Variants in TMX4 observed in about 807,000 individuals in gnomAD.
The protein encoded by TMX4 is thioredoxin-related transmembrane protein 4.
Under a neutral mutation model 33.3 loss-of-function variants are expected in TMX4, and 23 were observed. The observed-to-expected ratio is 0.69, with a 90% CI of 0.50 to 0.98. TMX4 has a LOEUF of 0.98. Ranked by LOEUF, TMX4 falls within the 50% of genes least tolerant of loss-of-function variation. TMX4 has a pLI of 0.00. For synonymous variants in TMX4, 164 were observed against 161.5 expected, an observed-to-expected ratio of 1.02 and a Z score of -0.12; for missense variants, 399 against 448.9, an observed-to-expected ratio of 0.89 and a Z score of 1.01.
rs531493904 is a variant in TMX4, at chr20:7,984,650, CAG to C, written c.616-795_616-794del. 4.2e-4 allele frequency among the ~76,000 whole-genome samples: 64 copies of C among 152,254 alleles called. No individual in the cohort carries two copies. In the South Asian group the frequency reaches 0.013, roughly 31 times the overall value. ...TTCTTTTTTATTTATAATTGACACA[CAG>C]TAACTATATATACTGATGGGGTACA... On this transcript the variant is annotated intron_variant, in intron 6 of 7. Coordinates refer to ENST00000246024, the MANE Select transcript of TMX4 (RefSeq NM_021156.4).
In TMX4 at chr20:7,982,369, TC is replaced by T. The variant is rs1361113142; in HGVS notation, c.931del (p.Glu311LysfsTer2). 1 of 1,613,874 alleles carries T rather than the reference TC, an allele frequency of 6.2e-7. No individual in the cohort carries two copies. Among genetic ancestry groups the T allele is most frequent in the African/African-American group, 1.3e-5 (1 of 74,866 alleles). On this transcript the variant is annotated frameshift_variant, in exon 8 of 8. Transcript: ENST00000246024. LOFTEE classifies it low-confidence loss of function (END_TRUNC). Reference protein sequence around the residue: ...PPGEDGVTREEVEPEEAEEGI... With the variant: ...PPGEDGVTREXVEPEEAEEGI... ...TTCTTCAGCCTCCTCAGGCTCTACT[TC>T]CTCCCGGGTCACACCGTCCTCTCCT...
chr20:8,013,107 G>A (rs557235749), intron 1 of TMX4, among the ~76,000 whole-genome samples: 12 of 152,156 alleles, frequency 7.9e-5, no homozygotes, highest in Non-Finnish European at 1.6e-4. Context: ...GATCAGTCAT[G>A]TGACCTTCAT....
At position 8,019,722 on chromosome 20, in the gene TMX4, C is replaced by A; in HGVS notation, c.-109G>T. On this transcript the variant is annotated 5_prime_UTR_variant, in exon 1 of 8. Coordinates refer to ENST00000246024, the MANE Select transcript of TMX4 (RefSeq NM_021156.4). ...TTCAAGGAAGCGGGAGACGCAAGGG[C>A]CACCCCGCCTACGCCTAGCGGCGCA... 1.0e-6 allele frequency: 1 copy of A among 978,454 alleles called. No homozygotes were observed. The highest frequency in any genetic ancestry group is 1.3e-6 in the Non-Finnish European group (1 of 745,956). The allele number at this position is 978,454 out of a possible 1,614,324, so 60.6% of individuals were successfully genotyped here. A position where few individuals can be genotyped will look rare whatever the true frequency, so the allele number is the denominator to read the frequency against.
intron 6 of TMX4, among the ~76,000 whole-genome samples, chr20:7,986,708 T>C (rs552021393): frequency 1.4e-4 from 21 of 152,306 alleles, no homozygotes; most frequent in African/African-American, 4.3e-4. Flanking sequence ...ATTATTCAAC[T>C]CTTGCCTGAA....
chr20:8,019,632 C>A lies in TMX4; in HGVS notation c.-19G>T. 7.5e-7 allele frequency: 1 copy of A among 1,330,810 alleles called. No homozygotes were observed. Among genetic ancestry groups the A allele is most frequent in the South Asian group, 2.1e-5 (1 of 48,222 alleles). The allele number at this position is 1,330,810 out of a possible 1,614,324, so 82.4% of individuals were successfully genotyped here. A position where few individuals can be genotyped will look rare whatever the true frequency, so the allele number is the denominator to read the frequency against. On this transcript the variant is annotated 5_prime_UTR_variant, in exon 1 of 8. Coordinates refer to ENST00000246024, the MANE Select transcript of TMX4 (RefSeq NM_021156.4). The stretch of plus-strand genomic sequence containing the variant: ...CCGCCATGTTGGGCGCCGAGCGAGG[C>A]TTCTCGGCGGGGAGTGTGGGGAAGG...
chr20:8,001,265 C>T (rs953582891), intron 3 of TMX4, among the ~76,000 whole-genome samples: 2 of 152,150 alleles, frequency 1.3e-5, no homozygotes, highest in Non-Finnish European at 2.9e-5. Flanking sequence ...TCTGATATCA[C>T]CAGAGAAATC....
intron 4 of TMX4, among the ~76,000 whole-genome samples, chr20:7,997,739 A>T (rs2050682803): frequency 6.6e-6 from 1 of 152,222 alleles, no homozygotes; most frequent in Non-Finnish European, 1.5e-5. Context: ...CCAAAAAGGC[A>T]CCTCTCTGCG....
intron 3 of TMX4, among the ~76,000 whole-genome samples, chr20:8,001,047 C>T (rs2050704661): frequency 1.3e-5 from 2 of 152,148 alleles, no homozygotes; most frequent in African/African-American, 2.4e-5. Flanking sequence ...CTTTATCTTT[C>T]CCCTGCCTGT....
intron 6 of TMX4, among the ~76,000 whole-genome samples, chr20:7,986,262 C>A (rs2050630617): frequency 6.6e-6 from 1 of 152,176 alleles, no homozygotes; most frequent in South Asian, 2.1e-4. Context: ...CCATTCTTAT[C>A]CCTGAAGTTA....
At chr20:7,992,864 C>G (rs2050660878) in intron 5 of TMX4, among the ~76,000 whole-genome samples, 1 of 152,154 alleles carries the variant, frequency 6.6e-6, no homozygotes, top group Admixed American at 6.5e-5. Flanking sequence ...TCAATAGGCT[C>G]TGATCTAAAT....
chr20:7,998,359 CCTT>C (rs1221635330), intron 4 of TMX4, among the ~76,000 whole-genome samples: 1 of 152,142 alleles, frequency 6.6e-6, no homozygotes, highest in African/African-American at 2.4e-5. Flanking sequence ...ATTAATGAAT[CCTT>C]CTTCTCCTTC....
intron 7 of TMX4, among the ~76,000 whole-genome samples, chr20:7,983,310 T>C (rs1000993946): frequency 1.3e-5 from 2 of 152,176 alleles, no homozygotes; most frequent in African/African-American, 4.8e-5. Flanking sequence ...AACTCCCACA[T>C]AAAATTCAAC....
intron 1 of TMX4, chr20:8,013,879 A>G (rs2050762584): frequency 6.6e-6 from 1 of 152,188 alleles, no homozygotes; most frequent in Non-Finnish European, 1.5e-5. Context: ...ACAGTCAATA[A>G]CAGATCCAGT....
In TMX4 at chr20:7,983,028, A is replaced by G. The variant is rs568354806; in HGVS notation, c.680-407T>C. On this transcript the variant is annotated intron_variant, in intron 7 of 7. Transcript: ENST00000246024. The stretch of plus-strand genomic sequence containing the variant: ...AGCCTCTTTTTCTTCAGGGATTTTT[A>G]AACAGAGAAAATGCGCAAGGACTAT... 1.0e-3 allele frequency among the ~76,000 whole-genome samples: 159 copies of G among 152,274 alleles called. 1 individual carries two copies. Among genetic ancestry groups the G allele is most frequent in the African/African-American group, 3.8e-3 (157 of 41,550 alleles).
intron 5 of TMX4, among the ~76,000 whole-genome samples, chr20:7,995,632 C>T (rs2050672946): frequency 6.6e-6 from 1 of 152,062 alleles, no homozygotes; most frequent in Non-Finnish European, 1.5e-5. Context: ...TTTACAAAAA[C>T]AGGTAGCCCA....
At chr20:7,987,049 T>G (rs998541312) in intron 6 of TMX4, among the ~76,000 whole-genome samples, 7 of 151,166 alleles carry the variant, frequency 4.6e-5, no homozygotes, top group Admixed American at 2.6e-4. Flanking sequence ...TTACTGTCTA[T>G]AGGCAGTACA....
At chr20:8,002,196 A>G (rs1460792954) in intron 2 of TMX4, among the ~76,000 whole-genome samples, 4 of 152,240 alleles carry the variant, frequency 2.6e-5, no homozygotes, top group Non-Finnish European at 5.9e-5. Flanking sequence ...GTGCATGTAA[A>G]GACAAAGATA....
In TMX4 at chr20:7,978,340, C is replaced by T. The variant is rs1336921389; in HGVS notation, c.*3911G>A. 1 of 152,124 alleles carries T rather than the reference C, an allele frequency of 6.6e-6. No homozygotes were observed. The highest frequency in any genetic ancestry group is 1.5e-5 in the Non-Finnish European group (1 of 68,024). The allele number at this position is 152,124 out of a possible 1,614,324, so 9.4% of individuals were successfully genotyped here. ...TTAAAATTTATTTTTCTCTGGACTT[C>T]TAATGTTTCCATCCTATGAAACAAC... On this transcript the variant is annotated 3_prime_UTR_variant, in exon 8 of 8. Coordinates refer to ENST00000246024, the MANE Select transcript of TMX4 (RefSeq NM_021156.4).
chr20:7,986,917 A>G (rs974854446), intron 6 of TMX4, among the ~76,000 whole-genome samples: 1 of 152,168 alleles, frequency 6.6e-6, no homozygotes, highest in Admixed American at 6.5e-5. Flanking sequence ...GAACAAATTC[A>G]AAACCTTGGC....
Sources: allele counts gnomAD v4.1 joint callset (sites outside exome capture counted in the v4.1 genomes callset), GRCh38; gene constraint gnomAD v4.1.1; transcripts MANE v1.5; gene names NCBI Gene and HGNC (gene_info 2026-07-23, HGNC 2026-07-21).